CCDC6: variants seen among roughly 807,000 people sequenced by gnomAD.
The protein encoded by CCDC6 is coiled-coil domain containing 6, also known as coiled-coil domain-containing protein 6.
Under a neutral mutation model 56.6 loss-of-function variants are expected in CCDC6, and 20 were observed. The observed-to-expected ratio is 0.35, with a 90% CI of 0.25 to 0.51. The LOEUF is 0.51. Ranked by LOEUF, CCDC6 falls within the 20% of genes least tolerant of loss-of-function variation. The pLI, the probability that CCDC6 is intolerant of heterozygous loss-of-function variation, is 0.95. For synonymous variants in CCDC6, 241 were observed against 234.4 expected, an observed-to-expected ratio of 1.03 and a Z score of -0.26; for missense variants, 367 against 601.1, an observed-to-expected ratio of 0.61 and a Z score of 4.07.
chr10:59,868,616 T>C (rs1478349590), intron 1 of CCDC6, among the ~76,000 whole-genome samples: 1 of 152,204 alleles, frequency 6.6e-6, no homozygotes, highest in Non-Finnish European at 1.5e-5. Context: ...ATGACAACTC[T>C]AATTTAACTT....
intron 1 of CCDC6, among the ~76,000 whole-genome samples, chr10:59,869,459 A>G (rs1026612902): frequency 1.3e-5 from 2 of 151,224 alleles, no homozygotes; most frequent in African/African-American, 4.9e-5. Context: ...AAAAACAAAC[A>G]AACAAAAAAA....
At chr10:59,880,330 T>C (rs2071322072) in intron 1 of CCDC6, among the ~76,000 whole-genome samples, 1 of 152,032 alleles carries the variant, frequency 6.6e-6, no homozygotes, top group Non-Finnish European at 1.5e-5. Context: ...TAGTAACAAA[T>C]GGTTTTTCTG....
At chr10:59,857,466 A>G (rs2071089240) in intron 1 of CCDC6, among the ~76,000 whole-genome samples, 1 of 152,206 alleles carries the variant, frequency 6.6e-6, no homozygotes. Context: ...AAGAATTTTA[A>G]AACCCTTCAC....
intron 2 of CCDC6, among the ~76,000 whole-genome samples, chr10:59,840,229 T>A (rs1288193398): frequency 1.1e-4 from 17 of 152,340 alleles, no homozygotes; most frequent in African/African-American, 3.8e-4. Flanking sequence ...AACCACTGGG[T>A]CATAGAGAAT....
chr10:59,831,085 G>A (rs1564743897), intron 3 of CCDC6, among the ~76,000 whole-genome samples: 1 of 152,140 alleles, frequency 6.6e-6, no homozygotes, highest in Non-Finnish European at 1.5e-5. Flanking sequence ...AACAGAACTG[G>A]AGCTACTGCC....
At position 59,792,622 on chromosome 10, in the gene CCDC6, A is replaced by G. The variant is rs771994898; in HGVS notation, c.*295T>C. ...GAATGAAGCTCTGGGCCAAGCAAAA[A>G]TTGCACACTGCTGCTGAAATACCAA... On this transcript the variant is annotated 3_prime_UTR_variant, in exon 9 of 9. Transcript: ENST00000263102. 5 of 691,064 alleles carry G rather than the reference A, an allele frequency of 7.2e-6. No homozygotes were observed. The East Asian group carries it at 1.1e-4, about 16-fold the overall frequency. 42.8% of individuals were successfully genotyped at this position (691,064 alleles called of 1,614,324 possible).
chr10:59,872,787 TGG>T (rs1046215443), intron 1 of CCDC6, among the ~76,000 whole-genome samples: 41 of 69,510 alleles, frequency 5.9e-4, no homozygotes, highest in African/African-American at 1.4e-3. Context: ...GATGGGGGGG[TGG>T]GGGAAGGTAA....
chr10:59,832,063 T>A (rs1267248978), intron 3 of CCDC6, among the ~76,000 whole-genome samples: 1 of 152,212 alleles, frequency 6.6e-6, no homozygotes, highest in Non-Finnish European at 1.5e-5. Context: ...ACTCCATATT[T>A]GTACCAACAA....
At chr10:59,868,979 G>A (rs191953632) in intron 1 of CCDC6, among the ~76,000 whole-genome samples, 23 of 152,002 alleles carry the variant, frequency 1.5e-4, no homozygotes, top group African/African-American at 4.6e-4. Flanking sequence ...TCTTAGCCAT[G>A]AGTATTACTA....
chr10:59,873,620 C>A (rs2132670219), intron 1 of CCDC6, among the ~76,000 whole-genome samples: 1 of 152,214 alleles, frequency 6.6e-6, no homozygotes, highest in Non-Finnish European at 1.5e-5. Flanking sequence ...AGACCCAACT[C>A]CCACCACCAA....
intron 2 of CCDC6, among the ~76,000 whole-genome samples, chr10:59,842,675 T>G (rs1489233456): frequency 6.6e-6 from 1 of 152,152 alleles, no homozygotes; most frequent in Non-Finnish European, 1.5e-5. Context: ...CACTTAAGTT[T>G]GAGCTTTGAA....
rs1317637122 is a variant in CCDC6 at position 59,846,703 on chromosome 10, C to CA, written c.453+5849dup. Among the ~76,000 whole-genome samples the CA allele has an allele frequency of 3.3e-5, 5 of 152,252 alleles. No homozygotes were observed. In the East Asian group the frequency reaches 9.7e-4, roughly 29 times the overall value. On this transcript the variant is annotated intron_variant, in intron 2 of 8. Coordinates refer to ENST00000263102, the MANE Select transcript of CCDC6 (RefSeq NM_005436.5). Reference sequence around the variant, plus strand: ...AATGTGAATTGAAAGTACCGTACTACAAATCTATTGATTATTTTAAGGTCT... The same window carrying CA: ...AATGTGAATTGAAAGTACCGTACTACAAAATCTATTGATTATTTTAAGGTCT...
At chr10:59,830,491 A>C (rs1168460899) in intron 3 of CCDC6, among the ~76,000 whole-genome samples, 1 of 152,208 alleles carries the variant, frequency 6.6e-6, no homozygotes, top group African/African-American at 2.4e-5. Flanking sequence ...AAGTGGGGGA[A>C]ATTTTTATGA....
intron 1 of CCDC6, among the ~76,000 whole-genome samples, chr10:59,896,431 G>A (rs1243185539): frequency 1.3e-5 from 2 of 152,126 alleles, no homozygotes; most frequent in African/African-American, 2.4e-5. Flanking sequence ...CTGCACATTT[G>A]CTGAGTGACA....
chr10:59,836,715 A>G (rs2070886349), intron 2 of CCDC6, among the ~76,000 whole-genome samples: 1 of 152,256 alleles, frequency 6.6e-6, no homozygotes, highest in African/African-American at 2.4e-5. Flanking sequence ...ATTATGGAAC[A>G]GTTTTATAAC....
intron 1 of CCDC6, among the ~76,000 whole-genome samples, chr10:59,867,804 G>A (rs1415670595): frequency 6.6e-6 from 1 of 152,124 alleles, no homozygotes; most frequent in East Asian, 1.9e-4. Flanking sequence ...CCGGGCTCAA[G>A]CAATTCTGCT....
At chr10:59,877,425 G>C (rs1407729081) in intron 1 of CCDC6, among the ~76,000 whole-genome samples, 2 of 152,202 alleles carry the variant, frequency 1.3e-5, no homozygotes, top group Admixed American at 6.5e-5. Context: ...TCCAAGGTTA[G>C]GATGTAAATG....
At chr10:59,858,323 T>C (rs961214604) in intron 1 of CCDC6, among the ~76,000 whole-genome samples, 7 of 152,224 alleles carry the variant, frequency 4.6e-5, no homozygotes, top group South Asian at 2.1e-4. Flanking sequence ...CAACTAATAG[T>C]TGATAACTGA....
intron 1 of CCDC6, among the ~76,000 whole-genome samples, chr10:59,903,980 A>C (rs2071523194): frequency 6.6e-6 from 1 of 152,234 alleles, no homozygotes. Context: ...TTCTGCATTT[A>C]TCATTCAGCT....
Sources: allele counts gnomAD v4.1 joint callset (sites outside exome capture counted in the v4.1 genomes callset), GRCh38; gene constraint gnomAD v4.1.1; transcripts MANE v1.5; gene names NCBI Gene and HGNC (gene_info 2026-07-23, HGNC 2026-07-21).